PSAP: variants seen among roughly 807,000 people sequenced by gnomAD.
PSAP encodes the protein prosaposin, also known as precursor of saposins.
A neutral mutation model predicts 66.0 loss-of-function variants in PSAP; 25 were observed. The ratio of observed to expected loss-of-function variants is 0.38; its 90% CI spans 0.28 to 0.53. The LOEUF (loss-of-function observed/expected upper bound fraction) is 0.53. Ranked by LOEUF, PSAP falls within the 20% of genes least tolerant of loss-of-function variation. PSAP has a pLI of 0.83. For synonymous variants in PSAP, 273 were observed against 258.9 expected (o/e 1.05, Z -0.52); for missense variants, 649 against 668.8 (o/e 0.97, Z 0.33).
At chr10:71,824,549 A>G (rs1417119962) in intron 7 of PSAP, among the ~76,000 whole-genome samples, 2 of 152,256 alleles carry the variant, frequency 1.3e-5, no homozygotes, top group Non-Finnish European at 2.9e-5. Context: ...GCAAACCTGA[A>G]AACAACCTAG....
intron 1 of PSAP, among the ~76,000 whole-genome samples, chr10:71,835,167 G>A (rs956029531): frequency 7.2e-5 from 11 of 151,806 alleles, no homozygotes; most frequent in South Asian, 2.1e-4. Flanking sequence ...GCGTGAATCC[G>A]GGAGGCGGAG....
At position 71,817,450 on chromosome 10, in the gene PSAP, C is replaced by T; in HGVS notation, c.1566G>A (p.Val522=). 6.2e-7 allele frequency: 1 copy of T among 1,614,196 alleles called. No homozygotes were observed. The highest frequency in any genetic ancestry group is 8.5e-7 in the Non-Finnish European group (1 of 1,180,016). The part of the protein sequence containing the change: ...CNAVEHCKRH[V]WN ...TGGAATATTCCTCCTCCTAGTTCCA[C>T]ACATGGCGTTTGCAATGCTCGACAG... Residue 522 remains valine, a synonymous_variant, in exon 14 of 14, where the codon GTG becomes GTA. Coordinates refer to ENST00000394936, the MANE Select transcript of PSAP (RefSeq NM_002778.4).
At chr10:71,817,506 C>G (rs768789210) in intron 13 of PSAP, 30 bp from the exon 14 acceptor site, 2 of 1,612,210 alleles carry the variant, frequency 1.2e-6, no homozygotes, top group East Asian at 2.2e-5. Context: ...TGAGTTTAGT[C>G]TTCGGATGAA....
At chr10:71,837,150 C>T (rs1033022286) in intron 1 of PSAP, among the ~76,000 whole-genome samples, 1 of 152,232 alleles carries the variant, frequency 6.6e-6, no homozygotes, top group African/African-American at 2.4e-5. Flanking sequence ...ATTCCAACTC[C>T]TAGAAAGTGC....
At chr10:71,828,209 A>G (rs1452559174) in intron 5 of PSAP, 52 bp from the exon 6 acceptor site, 2 of 1,601,676 alleles carry the variant, frequency 1.2e-6, no homozygotes, top group Non-Finnish European at 1.7e-6. Flanking sequence ...AATTCCTAGG[A>G]AAACGTCCTT....
At chr10:71,824,008 C>A (rs1185167977) in intron 7 of PSAP, 19 of 759,158 alleles carry the variant, frequency 2.5e-5, no homozygotes, top group Non-Finnish European at 3.6e-5. Context: ...GTAAGGATGT[C>A]CCAAGAGGTT....
Position 71,834,575 on chromosome 10 carries a change from C to T in PSAP, c.41-70G>A. Reference sequence around the variant, plus strand: ...ACCAGGTCGACCTGACTTATTTCCCCAGGGCTGAGGGCGACTGTCCTTGAG... The same window carrying T: ...ACCAGGTCGACCTGACTTATTTCCCTAGGGCTGAGGGCGACTGTCCTTGAG... On this transcript the variant is annotated intron_variant, in intron 1 of 13. Coordinates refer to ENST00000394936, the MANE Select transcript of PSAP (RefSeq NM_002778.4). The T allele has an allele frequency of 3.2e-6, 5 of 1,583,012 alleles. No individual in the cohort carries two copies. The South Asian group carries it at 5.7e-5, about 18-fold the overall frequency.
In PSAP at chr10:71,851,100, G is replaced by C. The variant is rs1842919852; in HGVS notation, c.40+82C>G. 4 of 1,486,262 alleles carry C rather than the reference G, an allele frequency of 2.7e-6. No individual in the cohort carries two copies. The East Asian group carries it at 9.9e-5, about 37-fold the overall frequency. The allele number at this position is 1,486,262 out of a possible 1,614,324, so 92.1% of individuals were successfully genotyped here. A position where few individuals can be genotyped will look rare whatever the true frequency, so the allele number is the denominator to read the frequency against. The stretch of plus-strand genomic sequence containing the variant: ...CCAACTAGGGCAGGGGGAGCAGAGG[G>C]GCCAGGCCCGGCACAGCCCATTCTG... On this transcript the variant is annotated intron_variant, in intron 1 of 13. Transcript: ENST00000394936.
At chr10:71,831,009 G>T in intron 4 of PSAP, 117 bp downstream of exon 4, 1 of 1,470,418 alleles carries the variant, frequency 6.8e-7, no homozygotes, top group African/African-American at 1.4e-5. Context: ...GCAAAATGCT[G>T]TTGAGGAATT....
intron 8 of PSAP, among the ~76,000 whole-genome samples, chr10:71,820,988 A>G (rs1377691173): frequency 6.6e-6 from 1 of 152,240 alleles, no homozygotes; most frequent in African/African-American, 2.4e-5. Flanking sequence ...GTATTTCATT[A>G]AAATTTAAGT....
intron 6 of PSAP, among the ~76,000 whole-genome samples, chr10:71,826,106 A>C (rs765782771): frequency 6.6e-6 from 1 of 152,218 alleles, no homozygotes; most frequent in Non-Finnish European, 1.5e-5. Flanking sequence ...ATGTGTGCAA[A>C]AGACGTTTTG....
chr10:71,823,556 G>A (rs963947017), intron 7 of PSAP, among the ~76,000 whole-genome samples: 2 of 152,186 alleles, frequency 1.3e-5, no homozygotes, highest in African/African-American at 4.8e-5. Context: ...AGGAGGCTGA[G>A]GCACCTCCTG....
rs371763868 is a variant in PSAP at position 71,825,821 on chromosome 10, C to A, written c.777+16G>T. On this transcript the variant is annotated intron_variant, in intron 7 of 13. Coordinates refer to ENST00000394936, the MANE Select transcript of PSAP (RefSeq NM_002778.4). ...AACAAAGAAAAATGCTAACAAGGGG[C>A]CTCCGTGCCACCTACCATGTGCATC... is the stretch of plus-strand genomic sequence containing the variant. 5.6e-6 allele frequency: 9 copies of A among 1,607,192 alleles called. No homozygotes were observed. Among genetic ancestry groups the A allele is most frequent in the South Asian group, 1.1e-5 (1 of 90,928 alleles).
At chr10:71,846,565 A>G (rs1250533046) in intron 1 of PSAP, among the ~76,000 whole-genome samples, 1 of 151,912 alleles carries the variant, frequency 6.6e-6, no homozygotes, top group Non-Finnish European at 1.5e-5. Flanking sequence ...TCTCTACTAA[A>G]AATACAAAAA....
At chr10:71,817,897 G>C (rs1484478961) in intron 13 of PSAP, among the ~76,000 whole-genome samples, 1 of 152,242 alleles carries the variant, frequency 6.6e-6, no homozygotes, top group African/African-American at 2.4e-5. Flanking sequence ...AGCAGAACCA[G>C]CTGTGGGGTG....
intron 1 of PSAP, among the ~76,000 whole-genome samples, chr10:71,839,003 C>T (rs140034012): frequency 6.6e-6 from 1 of 152,294 alleles, no homozygotes; most frequent in African/African-American, 2.4e-5. Context: ...AGTTATTTCT[C>T]AAAACATGTG....
chr10:71,849,442 C>T (rs1264117801), intron 1 of PSAP, among the ~76,000 whole-genome samples: 1 of 152,072 alleles, frequency 6.6e-6, no homozygotes, highest in East Asian at 1.9e-4. Context: ...AAAAAACAGA[C>T]ATTGTGGTGG....
intron 3 of PSAP, among the ~76,000 whole-genome samples, 192 bp downstream of exon 3, chr10:71,831,652 TAA>T (rs1393205077): frequency 2.0e-5 from 3 of 152,148 alleles, no homozygotes; most frequent in Non-Finnish European, 4.4e-5. Flanking sequence ...TTTACATTTT[TAA>T]AAAGAGACTG....
intron 6 of PSAP, among the ~76,000 whole-genome samples, chr10:71,826,291 A>T (rs1372622774): frequency 1.3e-5 from 2 of 152,220 alleles, no homozygotes; most frequent in African/African-American, 4.8e-5. Flanking sequence ...ACACAATCTC[A>T]GATGGCATTA....
Sources: gnomAD v4.1 joint callset for allele counts (sites outside exome capture counted in the v4.1 genomes callset) on GRCh38, gnomAD v4.1.1 for gene constraint, MANE v1.5 for transcripts, NCBI Gene and HGNC (gene_info 2026-07-23, HGNC 2026-07-21) for gene names.